SLCO4C1: variants seen among roughly 807,000 people sequenced by gnomAD.
SLCO4C1 encodes the protein organic anion transporter M1.
SLCO4C1 carries 58 observed loss-of-function variants against 72.1 expected under a neutral mutation model. The observed-to-expected ratio is 0.80, with a 90% confidence interval of 0.65 to 1.00. The LOEUF is 1.00. SLCO4C1 is among the 50% of genes least tolerant of loss of function. The pLI is 0.00. For synonymous variants in SLCO4C1, 297 were observed against 312.5 expected (o/e 0.95, Z 0.52); for missense variants, 898 against 857.9 (o/e 1.05, Z -0.58).
chr5:102,256,845 A>C (rs1013448643), intron 8 of SLCO4C1, among the ~76,000 whole-genome samples: 58 of 152,312 alleles, frequency 3.8e-4, no homozygotes, highest in African/African-American at 1.3e-3. Context: ...AGAGGCAAAA[A>C]TCCTACAGTA....
intron 7 of SLCO4C1, among the ~76,000 whole-genome samples, chr5:102,257,731 A>AC (rs1200534441): frequency 6.6e-6 from 1 of 150,462 alleles, no homozygotes; most frequent in Non-Finnish European, 1.5e-5. Flanking sequence ...TGATTCTCCC[A>AC]CCTCAGCCTC....
At chr5:102,277,450 G>C (rs1202429877) in intron 2 of SLCO4C1, among the ~76,000 whole-genome samples, 1 of 152,092 alleles carries the variant, frequency 6.6e-6, no homozygotes, top group East Asian at 1.9e-4. Context: ...TAGTACAAGA[G>C]GAAGCCTAGT....
Position 102,249,744 on chromosome 5 carries a change from C to A in SLCO4C1, c.1514G>T (p.Cys505Phe), listed in dbSNP as rs141775272. 3.3e-5 allele frequency: 54 copies of A among 1,613,774 alleles called. No homozygotes were observed. Among genetic ancestry groups the A allele is most frequent in the Non-Finnish European group, 3.8e-5 (45 of 1,179,900 alleles). The change falls in exon 9 of 13, where the codon TGT becomes TTT. Residue 505 changes from cysteine to phenylalanine, a missense_variant. By Grantham distance (205) the Cys-to-Phe change is radical. Coordinates refer to ENST00000310954, the MANE Select transcript of SLCO4C1 (RefSeq NM_180991.5). ...ATAATAATATGATCGCGAACAGTTA[C>A]AATTGGCATTACAAGGGGCTATCAA... ...GNLIAPCNAN[C>F]NCSRSYYYPV... is the part of the protein sequence containing the mutation.
chr5:102,236,694 A>G lies in SLCO4C1; in HGVS notation c.*164T>C. The G allele has an allele frequency of 2.6e-6, 2 of 767,730 alleles. No homozygotes were observed. The highest frequency in any genetic ancestry group is 4.0e-6 in the Non-Finnish European group (2 of 504,630). 47.6% of individuals were successfully genotyped at this position (767,730 alleles called of 1,614,324 possible). A position where few individuals can be genotyped will look rare whatever the true frequency, so the allele number is the denominator to read the frequency against. On this transcript the variant is annotated 3_prime_UTR_variant, in exon 13 of 13. Transcript: ENST00000310954. ...TTGAAGGCACAGGTCTGTTTCTTGC[A>G]TAAAACAAAAACTACATAAGTAAAA...
chr5:102,283,523 ACTAAGAAAATAGAATTTC>A (rs1409531758), intron 2 of SLCO4C1, among the ~76,000 whole-genome samples: 2 of 151,676 alleles, frequency 1.3e-5, no homozygotes, highest in Admixed American at 6.6e-5. Context: ...AAGAATAGTG[ACTAAGAAAATAGAATTTC>A]CTCATTTATT....
At chr5:102,283,994 T>G (rs984577043) in intron 2 of SLCO4C1, among the ~76,000 whole-genome samples, 1 of 152,210 alleles carries the variant, frequency 6.6e-6, no homozygotes, top group South Asian at 2.1e-4. Flanking sequence ...CTTCTCATTT[T>G]AGCTTCCTTT....
intron 8 of SLCO4C1, among the ~76,000 whole-genome samples, chr5:102,253,665 C>T (rs1024873883): frequency 3.3e-5 from 5 of 151,808 alleles, no homozygotes; most frequent in Non-Finnish European, 5.9e-5. Context: ...AATTTAGCTG[C>T]GTGTGATGGC....
At chr5:102,239,774 A>G (rs565047337) in intron 11 of SLCO4C1, among the ~76,000 whole-genome samples, 61 of 152,138 alleles carry the variant, frequency 4.0e-4, no homozygotes, top group African/African-American at 1.4e-3. Flanking sequence ...GAACTATAGT[A>G]TATGTTGTAT....
chr5:102,237,428 C>G (rs1177334597), intron 12 of SLCO4C1, among the ~76,000 whole-genome samples: 1 of 142,948 alleles, frequency 7.0e-6, no homozygotes, highest in Non-Finnish European at 1.6e-5. Flanking sequence ...CATAGGAAAC[C>G]CTGTCTCTAC....
intron 6 of SLCO4C1, among the ~76,000 whole-genome samples, chr5:102,258,569 A>G (rs1055920040): frequency 1.3e-5 from 2 of 152,206 alleles, no homozygotes; most frequent in Admixed American, 6.5e-5. Context: ...AGCACTTTAG[A>G]AACACAGTTA....
chr5:102,269,931 A>G (rs1410431363), intron 3 of SLCO4C1, among the ~76,000 whole-genome samples: 2 of 151,778 alleles, frequency 1.3e-5, no homozygotes, highest in Admixed American at 6.6e-5. Context: ...TGGGCGCAGC[A>G]GTGTATTCTC....
chr5:102,240,406 CG>C, intron 11 of SLCO4C1, among the ~76,000 whole-genome samples: 2 of 151,942 alleles, frequency 1.3e-5, no homozygotes, highest in South Asian at 4.2e-4. Flanking sequence ...AATAGTGTCA[CG>C]AATAGAGACA....
In SLCO4C1 at chr5:102,240,174, G is replaced by A. The variant is rs115434415; in HGVS notation, c.1876+544C>T. ...ATCTGAAAAAATTGGCAAGTTGGACGAGGTGATCTCTAATGCCCCAACTTT... is the reference window on the plus strand; with the variant it reads ...ATCTGAAAAAATTGGCAAGTTGGACAAGGTGATCTCTAATGCCCCAACTTT... On this transcript the variant is annotated intron_variant, in intron 11 of 12. Transcript: ENST00000310954. Among the ~76,000 whole-genome samples the A allele has an allele frequency of 3.6e-3, 542 of 152,176 alleles. 2 individuals carry two copies. The highest frequency in any genetic ancestry group is 0.012 in the African/African-American group (491 of 41,554).
chr5:102,257,878 T>C, intron 7 of SLCO4C1, 65 bp downstream of exon 7: 1 of 1,425,448 alleles, frequency 7.0e-7, no homozygotes, highest in Admixed American at 2.1e-5. Flanking sequence ...AATTATACAC[T>C]ATCCTCATAA....
chr5:102,270,515 C>T, intron 3 of SLCO4C1, 109 bp downstream of exon 3: 1 of 822,424 alleles, frequency 1.2e-6, no homozygotes, highest in Non-Finnish European at 1.7e-6. Context: ...ATTGGGAAAA[C>T]CTATGGCATT....
intron 10 of SLCO4C1, among the ~76,000 whole-genome samples, chr5:102,241,898 A>T (rs1240915692): frequency 6.6e-6 from 1 of 152,192 alleles, no homozygotes; most frequent in Non-Finnish European, 1.5e-5. Context: ...TCAGGTGAGC[A>T]CTTATAATAC....
chr5:102,265,625 C>T (rs1441500260), intron 3 of SLCO4C1, among the ~76,000 whole-genome samples: 11 of 152,018 alleles, frequency 7.2e-5, no homozygotes, highest in Admixed American at 7.2e-4. Flanking sequence ...GCCATAAATA[C>T]ATAGATTTAT....
intron 10 of SLCO4C1, among the ~76,000 whole-genome samples, chr5:102,246,757 T>C (rs977515139): frequency 6.6e-6 from 1 of 152,066 alleles, no homozygotes; most frequent in African/African-American, 2.4e-5. Flanking sequence ...TGTACAAGTA[T>C]GGAATGTGTT....
chr5:102,257,733 C>T (rs1010828364), intron 7 of SLCO4C1, among the ~76,000 whole-genome samples: 4 of 151,884 alleles, frequency 2.6e-5, no homozygotes, highest in Non-Finnish European at 5.9e-5. Context: ...ATTCTCCCAC[C>T]TCAGCCTCTG....
Sources: gnomAD v4.1 joint callset for allele counts (sites outside exome capture counted in the v4.1 genomes callset) on GRCh38, gnomAD v4.1.1 for gene constraint, MANE v1.5 for transcripts, NCBI Gene and HGNC (gene_info 2026-07-23, HGNC 2026-07-21) for gene names.